Variants in MAP3K14 observed in about 807,000 individuals in gnomAD.
MAP3K14 encodes the protein mitogen-activated protein kinase kinase kinase 14.
A neutral mutation model predicts 99.2 loss-of-function variants in MAP3K14; 16 were observed. That is an observed-to-expected ratio of 0.16 (90% CI 0.11 to 0.24). MAP3K14 has a LOEUF of 0.24. Among genes scored for constraint, MAP3K14 ranks in the 10% least tolerant of loss-of-function variants. The probability of loss-of-function intolerance (pLI) is 1.00; values close to 1 mark genes in which losing one functional copy is unlikely to be tolerated. For synonymous variants in MAP3K14, 462 were observed against 492.4 expected (o/e 0.94, Z 0.82); for missense variants, 784 against 1,208.7 (o/e 0.65, Z 5.21).
intron 1 of MAP3K14, among the ~76,000 whole-genome samples, chr17:45,304,324 G>T (rs1182774743): frequency 6.6e-6 from 1 of 152,100 alleles, no homozygotes; most frequent in Non-Finnish European, 1.5e-5. Context: ...TCTTTTTAAG[G>T]CTTCATAAGA....
At chr17:45,288,710 G>A (rs2044287782) in intron 3 of MAP3K14, among the ~76,000 whole-genome samples, 1 of 152,138 alleles carries the variant, frequency 6.6e-6, no homozygotes, top group Non-Finnish European at 1.5e-5. Flanking sequence ...ATCTGTGGGG[G>A]AATGCAGAGC....
intron 6 of MAP3K14, among the ~76,000 whole-genome samples, chr17:45,284,573 T>G (rs2044249398): frequency 6.6e-6 from 1 of 152,218 alleles, no homozygotes; most frequent in Admixed American, 6.5e-5. Context: ...CGAGGCCACG[T>G]GTGTCCTCTC....
intron 1 of MAP3K14, among the ~76,000 whole-genome samples, chr17:45,295,028 G>T (rs2044337026): frequency 1.3e-5 from 2 of 152,110 alleles, no homozygotes; most frequent in Admixed American, 1.3e-4. Context: ...TAGGATTCTG[G>T]GGCAGGAATG....
chr17:45,299,528 A>G (rs2044370670), intron 1 of MAP3K14, among the ~76,000 whole-genome samples: 1 of 152,070 alleles, frequency 6.6e-6, no homozygotes, highest in Non-Finnish European at 1.5e-5. Flanking sequence ...GAGAAGGAGA[A>G]TGGCCATGTG....
At chr17:45,277,818 T>C (rs1249350277) in intron 6 of MAP3K14, among the ~76,000 whole-genome samples, 1 of 152,174 alleles carries the variant, frequency 6.6e-6, no homozygotes. Flanking sequence ...CCTTTGATAA[T>C]GTATCTCTAT....
chr17:45,274,933 C>T (rs913814040), intron 6 of MAP3K14, among the ~76,000 whole-genome samples: 4 of 150,496 alleles, frequency 2.7e-5, no homozygotes, highest in Non-Finnish European at 4.4e-5. Context: ...GTCAGGAGAT[C>T]GAGACCATCC....
At chr17:45,310,027 CTTTTTTTT>C (rs59117060) in intron 1 of MAP3K14, among the ~76,000 whole-genome samples, 2 of 98,832 alleles carry the variant, frequency 2.0e-5, no homozygotes, top group South Asian at 3.4e-4. Context: ...AGGAGTCCAT[CTTTTTTTT>C]TTTTTTTTTT....
chr17:45,288,222 C>A (rs190363471), intron 3 of MAP3K14, among the ~76,000 whole-genome samples: 2 of 152,246 alleles, frequency 1.3e-5, no homozygotes, highest in African/African-American at 4.8e-5. Flanking sequence ...CAAAAGGCAC[C>A]CAGGACAGCA....
intron 9 of MAP3K14, among the ~76,000 whole-genome samples, chr17:45,271,453 C>T (rs545616187): frequency 2.7e-4 from 41 of 152,352 alleles, no homozygotes; most frequent in African/African-American, 9.1e-4. Flanking sequence ...TCAAGAGATT[C>T]TCCTGCCTCA....
At chr17:45,265,931 C>G (rs1018656362) in intron 14 of MAP3K14, among the ~76,000 whole-genome samples, 15 of 152,242 alleles carry the variant, frequency 9.9e-5, no homozygotes, top group African/African-American at 3.4e-4. Context: ...CACAAGGATT[C>G]TTAAATTAGA....
At chr17:45,276,594 C>T (rs1014034200) in intron 6 of MAP3K14, among the ~76,000 whole-genome samples, 2 of 151,948 alleles carry the variant, frequency 1.3e-5, no homozygotes, top group African/African-American at 2.4e-5. Context: ...TAATTACAAC[C>T]TCCGCCTCCT....
Position 45,286,836 on chromosome 17 carries a change from G to T in MAP3K14, c.747C>A (p.Gly249=). 6.2e-7 allele frequency: 1 copy of T among 1,613,792 alleles called. No homozygotes were observed. Among genetic ancestry groups the T allele is most frequent in the Non-Finnish European group, 8.5e-7 (1 of 1,179,802 alleles). ...VWKLHHPQDG[G]PLPLPTHPFP... is the part of the protein sequence containing the mutation. ...AGGGGTGCGTGGGCAGGGGCAGGGGGCCTCCGTCCTGGGGGTGGTGCAGTT... is the reference window on the plus strand; with the variant it reads ...AGGGGTGCGTGGGCAGGGGCAGGGGTCCTCCGTCCTGGGGGTGGTGCAGTT... The change falls in exon 5 of 16, where the codon GGC becomes GGA. Residue 249 remains glycine, a synonymous_variant. Transcript: ENST00000344686. The surrounding 1 kb of genome is among the most constrained non-coding windows in gnomAD (Gnocchi z 4.1).
At chr17:45,293,094 AC>A (rs2044323143) in intron 1 of MAP3K14, among the ~76,000 whole-genome samples, 1 of 152,214 alleles carries the variant, frequency 6.6e-6, no homozygotes, top group Non-Finnish European at 1.5e-5. Context: ...GCCACAGACC[AC>A]GCAACTGACG....
At position 45,271,055 on chromosome 17, in the gene MAP3K14, G is replaced by A. The variant is rs552468703; in HGVS notation, c.1821+3C>T. 4.3e-6 allele frequency: 7 copies of A among 1,611,954 alleles called. No individual in the cohort carries two copies. Among genetic ancestry groups the A allele is most frequent in the Middle Eastern group, 3.3e-4 (2 of 6,062 alleles). ...GTTGGCCATGCTGGGTGCCGTCACC[G>A]ACCTTGAGGCAGAGCGGCCCTCGGA... On this transcript the variant is annotated splice_donor_region_variant and intron_variant, in intron 10 of 15. Transcript: ENST00000344686.
intron 1 of MAP3K14, among the ~76,000 whole-genome samples, chr17:45,297,856 T>C (rs1364737260): frequency 3.9e-5 from 6 of 152,062 alleles, no homozygotes; most frequent in Non-Finnish European, 5.9e-5. Context: ...GTAGCTGGGA[T>C]TACAGGCATG....
chr17:45,275,101 T>A (rs865858150), intron 6 of MAP3K14, among the ~76,000 whole-genome samples: 1 of 149,124 alleles, frequency 6.7e-6, no homozygotes. Flanking sequence ...ATTGCGCCAG[T>A]GCACTCCAGC....
At chr17:45,269,580 C>T (rs923140803) in intron 11 of MAP3K14, among the ~76,000 whole-genome samples, 2 of 152,252 alleles carry the variant, frequency 1.3e-5, no homozygotes, top group South Asian at 2.1e-4. Context: ...CACCATCCCA[C>T]GTACTGGGAG....
At chr17:45,304,166 GC>G (rs1220379225) in intron 1 of MAP3K14, among the ~76,000 whole-genome samples, 2 of 150,134 alleles carry the variant, frequency 1.3e-5, no homozygotes, top group African/African-American at 4.9e-5. Context: ...ACCACATCCG[GC>G]TAATTTTTGT....
In MAP3K14 at chr17:45,289,295, G is replaced by C. The variant is rs2044293038; in HGVS notation, c.267C>G (p.Ser89Arg). Residue 89 changes from serine (S) to arginine (R), a missense_variant, in exon 3 of 16, where the codon AGC (serine) becomes AGG (arginine). Around this residue, in one of 5 missense-constraint regions of MAP3K14, gnomAD observed 188 missense variants for 313.0 expected, o/e 0.60. Coordinates refer to ENST00000344686, the MANE Select transcript of MAP3K14 (RefSeq NM_003954.5). Reference sequence around the variant, plus strand: ...CTGAAAAGGTGGGGCTGAACTCTTGGCTATTCTCACCTAAAGCAAAAGGAG... The same window carrying C: ...CTGAAAAGGTGGGGCTGAACTCTTGCCTATTCTCACCTAAAGCAAAAGGAG... Reference protein sequence around the residue: ...SIIAQAECENSQEFSPTFSER... With the variant: ...SIIAQAECENRQEFSPTFSER... 6.2e-7 allele frequency: 1 copy of C among 1,613,796 alleles called. No individual in the cohort carries two copies.
Sources: gnomAD v4.1 joint callset for allele counts (sites outside exome capture counted in the v4.1 genomes callset) on GRCh38, gnomAD v4.1.1 for gene constraint, gnomAD v4.1.1 regional missense constraint, Gnocchi (gnomAD v3.1) non-coding constraint, MANE v1.5 for transcripts, NCBI Gene and HGNC (gene_info 2026-07-23, HGNC 2026-07-21) for gene names.